Variants in TACC2 observed in about 807,000 individuals in gnomAD.
TACC2 encodes the protein transforming acidic coiled-coil containing protein 2.
Under a neutral mutation model 227.3 loss-of-function variants are expected in TACC2, and 137 were observed. The observed-to-expected ratio is 0.60, with a 90% CI of 0.52 to 0.69. TACC2 has a LOEUF of 0.69. TACC2 is among the 30% of genes least tolerant of loss of function. The pLI is 0.00. For synonymous variants in TACC2, 1,523 were observed against 1,487.5 expected (o/e 1.02, Z -0.55); for missense variants, 3,470 against 3,694.4 (o/e 0.94, Z 1.57).
chr10:122,047,840 C>T (rs760029141), intron 2 of TACC2, among the ~76,000 whole-genome samples: 8 of 152,176 alleles, frequency 5.3e-5, no homozygotes, highest in Non-Finnish European at 1.0e-4. Flanking sequence ...TCTCTTTCCC[C>T]CACATTCTAT....
intron 5 of TACC2, among the ~76,000 whole-genome samples, chr10:122,130,894 C>G (rs1369996891): frequency 6.6e-6 from 1 of 152,182 alleles, no homozygotes; most frequent in Non-Finnish European, 1.5e-5. Flanking sequence ...AGCATGCTCA[C>G]CACACCACAG....
intron 1 of TACC2, among the ~76,000 whole-genome samples, chr10:122,018,067 T>C (rs1276778782): frequency 6.6e-6 from 1 of 150,922 alleles, no homozygotes; most frequent in Admixed American, 6.6e-5. Flanking sequence ...CATAGGTATA[T>C]GTGTGCCATG....
At chr10:122,223,116 C>A (rs377035066) in intron 11 of TACC2, among the ~76,000 whole-genome samples, 23 of 140,470 alleles carry the variant, frequency 1.6e-4, no homozygotes, top group Non-Finnish European at 3.3e-4. Context: ...TGCAGTGGTG[C>A]GATCTTGGCT....
chr10:122,099,648 G>A (rs907198722), intron 5 of TACC2, among the ~76,000 whole-genome samples: 1 of 152,126 alleles, frequency 6.6e-6, no homozygotes, highest in East Asian at 1.9e-4. Flanking sequence ...GTGGTTTTTC[G>A]GCAACCCTCC....
chr10:122,065,801 A>T lies in TACC2; in HGVS notation c.146+15251A>T, dbSNP rs541294937. 4.9e-4 allele frequency among the ~76,000 whole-genome samples: 74 copies of T among 152,286 alleles called. No individual in the cohort carries two copies. In the East Asian group the frequency reaches 0.013, roughly 27 times the overall value. ...TTTGAAGCTCTGTTATTTGATAAAA[A>T]TTTTTAGAATTTTTAATGTTTATTT... On this transcript the variant is annotated intron_variant, in intron 3 of 22. Transcript: ENST00000369005.
chr10:122,015,094 G>C (rs1956409061), intron 1 of TACC2, among the ~76,000 whole-genome samples: 1 of 114,036 alleles, frequency 8.8e-6, no homozygotes, highest in Non-Finnish European at 1.8e-5. Context: ...GGCTTTGGCA[G>C]TTCATCTGCT....
intron 19 of TACC2, among the ~76,000 whole-genome samples, chr10:122,244,241 C>G (rs1589913820): frequency 6.6e-6 from 1 of 152,174 alleles, no homozygotes; most frequent in African/African-American, 2.4e-5. Flanking sequence ...ACACACAATC[C>G]CTTAGAACAT....
Position 122,085,084 on chromosome 10 carries a change from C to T in TACC2, c.2584C>T (p.His862Tyr). The change falls in exon 4 of 23, where the codon CAT becomes TAT. Residue 862 changes from histidine (H) to tyrosine (Y), a missense_variant. Physicochemically the swap from His to Tyr is moderately conservative, Grantham distance 83. Around this residue, in one of 10 missense-constraint regions of TACC2, gnomAD observed 1,924 missense variants for 1,978.3 expected, o/e 0.97. Transcript: ENST00000369005. ...PENGKETSPS[H>Y]PGFKDQGADS... ...AAATGGGAAAGAGACTTCTCCAAGC[C>T]ATCCAGGTTTTAAGGACCAGGGAGC... is the stretch of plus-strand genomic sequence containing the variant. The T allele has an allele frequency of 6.2e-7, 1 of 1,614,194 alleles. No homozygotes were observed.
intron 5 of TACC2, among the ~76,000 whole-genome samples, chr10:122,120,115 T>C (rs1472217744): frequency 3.3e-5 from 5 of 152,012 alleles, no homozygotes; most frequent in Non-Finnish European, 4.4e-5. Context: ...GAGGAGAAGG[T>C]TCCCCCTCCG....
chr10:122,145,383 A>C (rs977643173), intron 7 of TACC2, among the ~76,000 whole-genome samples: 2 of 144,384 alleles, frequency 1.4e-5, no homozygotes, highest in Non-Finnish European at 3.1e-5. Context: ...ATGAATCGCA[A>C]ATGCATTAGG....
intron 8 of TACC2, among the ~76,000 whole-genome samples, chr10:122,203,848 T>C (rs1565606442): frequency 6.6e-6 from 1 of 152,052 alleles, no homozygotes; most frequent in African/African-American, 2.4e-5. Context: ...ATCACGCCAC[T>C]GCACTCCAGC....
chr10:122,037,487 G>A (rs551461060), intron 2 of TACC2, among the ~76,000 whole-genome samples: 5 of 152,310 alleles, frequency 3.3e-5, no homozygotes, highest in East Asian at 1.9e-4. Context: ...TGGGCTCAGC[G>A]GACTTGAGAC....
At chr10:122,151,219 C>A (rs58876822) in intron 7 of TACC2, among the ~76,000 whole-genome samples, 1,851 of 152,234 alleles carry the variant, frequency 0.012, 35 homozygotes, top group Middle Eastern at 0.037. Flanking sequence ...ATAGTACAAC[C>A]TGATAAACTC....
intron 16 of TACC2, among the ~76,000 whole-genome samples, chr10:122,230,704 G>C (rs186126149): frequency 6.6e-6 from 1 of 152,224 alleles, no homozygotes; most frequent in African/African-American, 2.4e-5. Flanking sequence ...TGGGTCAGTA[G>C]GGTAAAGAAG....
At chr10:122,027,532 T>C (rs1958192885) in intron 2 of TACC2, among the ~76,000 whole-genome samples, 1 of 152,166 alleles carries the variant, frequency 6.6e-6, no homozygotes, top group South Asian at 2.1e-4. Flanking sequence ...TTGTCAGCAA[T>C]CAGCTAGGCA....
chr10:122,082,968 T>C lies in TACC2; in HGVS notation c.468T>C (p.Ala156=), dbSNP rs1300665813. ...GAGACATCGCGGCGGCATTTCCCGC[T>C]GAGAGGGACAGCTCTACTCCATACC... The part of the protein sequence containing the change: ...APGDIAAAFP[A]ERDSSTPYQE... The change falls in exon 4 of 23, where the codon GCT becomes GCC. Residue 156 remains alanine, a synonymous_variant. Transcript: ENST00000369005. 1 of 1,612,898 alleles carries C rather than the reference T, an allele frequency of 6.2e-7. No individual in the cohort carries two copies.
chr10:122,108,195 A>G (rs2083114406), intron 5 of TACC2, among the ~76,000 whole-genome samples: 1 of 151,770 alleles, frequency 6.6e-6, no homozygotes, highest in African/African-American at 2.4e-5. Flanking sequence ...CCGGCCAATT[A>G]TATAATTCTT....
At position 122,087,491 on chromosome 10, in the gene TACC2, T is replaced by C; in HGVS notation, c.4991T>C (p.Val1664Ala). 1 of 1,613,766 alleles carries C rather than the reference T, an allele frequency of 6.2e-7. No homozygotes were observed. The change falls in exon 4 of 23, where the codon GTC (valine) becomes GCC (alanine). Residue 1664 changes from valine to alanine, a missense_variant. By Grantham distance (64) the Val-to-Ala change is moderately conservative. Around this residue, in one of 10 missense-constraint regions of TACC2, gnomAD observed 1,924 missense variants for 1,978.3 expected, o/e 0.97. Transcript: ENST00000369005. ...CTTGGGGGTGAAAGGAGACCCGGAG[T>C]CACTGCTGGCATCTTGGAAATGCGA... is the stretch of plus-strand genomic sequence containing the variant. ...DTLGGERRPG[V>A]TAGILEMRNA...
intron 1 of TACC2, among the ~76,000 whole-genome samples, 184 bp downstream of exon 1, chr10:121,989,672 G>A (rs544677135): frequency 6.6e-6 from 1 of 152,270 alleles, no homozygotes; most frequent in African/African-American, 2.4e-5. Flanking sequence ...CATCTACTGT[G>A]CTAGGCACCT....
Sources: allele counts gnomAD v4.1 joint callset (sites outside exome capture counted in the v4.1 genomes callset), GRCh38; gene constraint gnomAD v4.1.1; regional missense constraint gnomAD v4.1.1; transcripts MANE v1.5; gene names NCBI Gene and HGNC (gene_info 2026-07-23, HGNC 2026-07-21).